RNASE4: variants seen among roughly 807,000 people sequenced by gnomAD.
RNASE4 encodes ribonuclease 4.
For missense variants in RNASE4, 194 were observed against 192.8 expected (o/e 1.01, Z -0.04); for synonymous variants, 93 against 71.4 (o/e 1.30, Z -1.52).
At position 20,690,613 on chromosome 14, in the gene RNASE4, A is replaced by G. The variant is rs1886696959; in HGVS notation, c.-18+5855A>G. Among the ~76,000 whole-genome samples, 5 of 152,160 alleles carry G rather than the reference A, an allele frequency of 3.3e-5. No homozygotes were observed. In the South Asian group the frequency reaches 1.0e-3, roughly 32 times the overall value. ...ACAGGCCCCCAACTAAACTTATACA[A>G]AATTTGTCTCTGTAACTGAGGGTCA... On this transcript the variant is annotated intron_variant, in intron 1 of 1. Transcript: ENST00000555835.
chr14:20,699,467 G>A lies in RNASE4; in HGVS notation c.96G>A (p.Met32Ile). ...LVQPSYGQDG[M>I]YQRFLRQHVH... ...AGCCCTCCTATGGCCAGGATGGCAT[G>A]TACCAGCGATTCCTGCGGCAACACG... Residue 32 changes from methionine to isoleucine, a missense_variant, in exon 2 of 2, where the codon ATG becomes ATA. Met to Ile is a conservative substitution (Grantham distance 10, BLOSUM62 1). Transcript: ENST00000555835. The A allele has an allele frequency of 6.2e-7, 1 of 1,614,020 alleles. No individual in the cohort carries two copies. The highest frequency in any genetic ancestry group is 8.5e-7 in the Non-Finnish European group (1 of 1,180,014).
chr14:20,699,848 G>T lies in RNASE4; in HGVS notation c.*33G>T. 6.3e-7 allele frequency: 1 copy of T among 1,585,016 alleles called. No homozygotes were observed. Among genetic ancestry groups the T allele is most frequent in the South Asian group, 1.1e-5 (1 of 89,176 alleles). ...CATGTAGGGATTATCGCGAGTGGTT[G>T]ACCTTACACTTACTCCTTAAATAGC... On this transcript the variant is annotated 3_prime_UTR_variant, in exon 2 of 2. Coordinates refer to ENST00000555835, the MANE Select transcript of RNASE4 (RefSeq NM_002937.5).
rs1364729289 is a variant in RNASE4, at chr14:20,700,824, A to T, written c.*1009A>T. 1.9e-5 allele frequency: 3 copies of T among 154,036 alleles called. No individual in the cohort carries two copies. Among genetic ancestry groups the T allele is most frequent in the Non-Finnish European group, 4.4e-5 (3 of 68,050 alleles). The allele number at this position is 154,036 out of a possible 1,614,324, so 9.5% of individuals were successfully genotyped here. A position where few individuals can be genotyped will look rare whatever the true frequency, so the allele number is the denominator to read the frequency against. The stretch of plus-strand genomic sequence containing the variant: ...CTTCTCCCTTAGAATATTTAGAAGC[A>T]AATTAGGGAGCTGTCAGGTCTCTGA... On this transcript the variant is annotated 3_prime_UTR_variant, in exon 2 of 2. Transcript: ENST00000555835.
chr14:20,699,687 G>A lies in RNASE4; in HGVS notation c.316G>A (p.Val106Ile). ...GAACTGCCATGAGGGTGTAGTGAAG[G>A]TCACAGATTGCAGGGACACAGGAAG... ...KMNCHEGVVK[V>I]TDCRDTGSSR... Residue 106 changes from valine (V) to isoleucine (I), a missense_variant, in exon 2 of 2, where the codon GTC (valine) becomes ATC (isoleucine). Transcript: ENST00000555835. 8 of 1,610,142 alleles carry A rather than the reference G, an allele frequency of 5.0e-6. No homozygotes were observed. Among genetic ancestry groups the A allele is most frequent in the Non-Finnish European group, 6.8e-6 (8 of 1,180,000 alleles).
intron 1 of RNASE4, among the ~76,000 whole-genome samples, chr14:20,695,946 A>T (rs1887078923): frequency 6.6e-6 from 1 of 152,258 alleles, no homozygotes; most frequent in Non-Finnish European, 1.5e-5. Context: ...TGTCACTAGA[A>T]AATTTGCCAT....
At chr14:20,695,386 C>T (rs1887053611) in intron 1 of RNASE4, among the ~76,000 whole-genome samples, 2 of 142,920 alleles carry the variant, frequency 1.4e-5, no homozygotes, top group South Asian at 2.3e-4. Flanking sequence ...CAGAGCGAGA[C>T]TCCATCTCAA....
chr14:20,688,877 A>G (rs1431783895), intron 1 of RNASE4: 2 of 983,882 alleles, frequency 2.0e-6, no homozygotes, highest in Non-Finnish European at 2.4e-6. Context: ...CCTCCTGGGT[A>G]AACTATTGTT....
chr14:20,699,396 T>C lies in RNASE4; in HGVS notation c.25T>C (p.Leu9=), dbSNP rs1887202208. The C allele has an allele frequency of 1.9e-6, 3 of 1,605,582 alleles. No individual in the cohort carries two copies. Among genetic ancestry groups the C allele is most frequent in the Non-Finnish European group, 2.6e-6 (3 of 1,174,490 alleles). MALQRTHS[L]LLLLLLTLLG... is the part of the protein sequence containing the mutation. ...GATGGCTCTGCAGAGGACCCATTCA[T>C]TGCTTCTGCTTTTGCTGCTGACCCT... Residue 9 remains leucine, a synonymous_variant, in exon 2 of 2, where the codon TTG becomes CTG. Transcript: ENST00000555835.
Position 20,699,387 on chromosome 14 carries a change from A to T in RNASE4, c.16A>T (p.Thr6Ser). MALQRTHSLLLLLLLT... is the reference protein window; with the variant it reads MALQRSHSLLLLLLLT... ...TAAGATACTGATGGCTCTGCAGAGG[A>T]CCCATTCATTGCTTCTGCTTTTGCT... The change falls in exon 2 of 2, where the codon ACC becomes TCC. Residue 6 changes from threonine (T) to serine (S), a missense_variant. Physicochemically the swap from Thr to Ser is moderately conservative, Grantham distance 58. Transcript: ENST00000555835. 2 of 1,602,544 alleles carry T rather than the reference A, an allele frequency of 1.2e-6. No homozygotes were observed. The highest frequency in any genetic ancestry group is 8.5e-7 in the Non-Finnish European group (1 of 1,173,000).
In RNASE4 at chr14:20,700,756, C is replaced by T. The variant is rs1184762168; in HGVS notation, c.*941C>T. ...CACAGAAGATTTGTCTCATTTACTC[C>T]AGAGAGAATGATTCCTCTCAAAGAC... On this transcript the variant is annotated 3_prime_UTR_variant, in exon 2 of 2. Transcript: ENST00000555835. The T allele has an allele frequency of 5.5e-5, 9 of 163,104 alleles. No homozygotes were observed. The highest frequency in any genetic ancestry group is 2.2e-4 in the African/African-American group (9 of 41,410). 10.1% of individuals were successfully genotyped at this position (163,104 alleles called of 1,614,324 possible).
At chr14:20,687,009 T>G (rs534005458) in intron 1 of RNASE4, among the ~76,000 whole-genome samples, 1 of 152,282 alleles carries the variant, frequency 6.6e-6, no homozygotes, top group South Asian at 2.1e-4. Context: ...GAAAAAAATC[T>G]CCAGGAAAGG....
Position 20,699,403 on chromosome 14 carries a change from T to C in RNASE4, c.32T>C (p.Leu11Pro). The change falls in exon 2 of 2, where the codon CTG becomes CCG. Residue 11 changes from leucine (L) to proline (P), a missense_variant. Leu to Pro is a moderately conservative substitution (Grantham distance 98). Transcript: ENST00000555835. MALQRTHSLLLLLLLTLLGLG... is the reference protein window; with the variant it reads MALQRTHSLLPLLLLTLLGLG... Reference sequence around the variant, plus strand: ...CTGCAGAGGACCCATTCATTGCTTCTGCTTTTGCTGCTGACCCTGCTGGGG... The same window carrying C: ...CTGCAGAGGACCCATTCATTGCTTCCGCTTTTGCTGCTGACCCTGCTGGGG... 6.2e-7 allele frequency: 1 copy of C among 1,607,264 alleles called. No homozygotes were observed. Among genetic ancestry groups the C allele is most frequent in the Non-Finnish European group, 8.5e-7 (1 of 1,175,494 alleles).
intron 1 of RNASE4, among the ~76,000 whole-genome samples, chr14:20,689,730 G>T (rs567288670): frequency 1.2e-4 from 18 of 151,914 alleles, no homozygotes; most frequent in Admixed American, 4.6e-4. Flanking sequence ...CAGCCTGGCC[G>T]ACATGGCGAA....
intron 1 of RNASE4, among the ~76,000 whole-genome samples, chr14:20,693,307 A>G (rs1271860012): frequency 1.3e-5 from 2 of 152,274 alleles, no homozygotes; most frequent in Non-Finnish European, 2.9e-5. Flanking sequence ...CAGTGATTCT[A>G]AGGGATGGGG....
intron 1 of RNASE4, among the ~76,000 whole-genome samples, chr14:20,697,289 G>A (rs1887125547): frequency 6.6e-6 from 1 of 152,186 alleles, no homozygotes; most frequent in Non-Finnish European, 1.5e-5. Context: ...CACCGGAAGA[G>A]CAAACCAAAG....
chr14:20,688,339 G>A (rs890177672), intron 1 of RNASE4, among the ~76,000 whole-genome samples: 5 of 152,190 alleles, frequency 3.3e-5, no homozygotes, highest in African/African-American at 9.7e-5. Context: ...GATGTGATAC[G>A]ATAAATAGGA....
rs1173133558 is a variant in RNASE4, at chr14:20,693,660, C to T, written c.-17-5695C>T. 2.5e-6 allele frequency: 4 copies of T among 1,614,038 alleles called. No homozygotes were observed. The African/African-American group carries it at 5.3e-5, about 22-fold the overall frequency. ...CTCAGGATAACTCCAGGTACACACACTTCCTGACCCAGCACTATGATGCCA... is the reference window on the plus strand; with the variant it reads ...CTCAGGATAACTCCAGGTACACACATTTCCTGACCCAGCACTATGATGCCA... On this transcript the variant is annotated intron_variant, in intron 1 of 1. Transcript: ENST00000555835.
At chr14:20,685,342 T>G (rs937113454) in intron 1 of RNASE4, among the ~76,000 whole-genome samples, 4 of 152,090 alleles carry the variant, frequency 2.6e-5, no homozygotes, top group Non-Finnish European at 5.9e-5. Context: ...AGCACATGAG[T>G]AAAGCGCAAC....
rs542339286 is a variant in RNASE4 at position 20,693,693 on chromosome 14, G to C, written c.-17-5662G>C. 5.6e-6 allele frequency: 9 copies of C among 1,614,210 alleles called. No individual in the cohort carries two copies. The African/African-American group carries it at 8.0e-5, about 14-fold the overall frequency. On this transcript the variant is annotated intron_variant, in intron 1 of 1. Coordinates refer to ENST00000555835, the MANE Select transcript of RNASE4 (RefSeq NM_002937.5). ...CCCAGCACTATGATGCCAAACCACA[G>C]GGCCGGGATGACAGATACTGTGAAA...
Sources: gnomAD v4.1 joint callset for allele counts (sites outside exome capture counted in the v4.1 genomes callset) on GRCh38, gnomAD v4.1.1 for gene constraint, MANE v1.5 for transcripts, NCBI Gene and HGNC (gene_info 2026-07-23, HGNC 2026-07-21) for gene names.